The following MLLT10 variants were observed in gnomAD, a reference collection of about 807,000 sequenced individuals.
MLLT10 encodes MLLT10 histone lysine methyltransferase DOT1L cofactor, also known as protein AF-10.
In MLLT10, 30 loss-of-function variants were observed where a neutral mutation model predicts 129.1. That is an observed-to-expected ratio of 0.23 (90% CI 0.17 to 0.32). The LOEUF is 0.32. Among genes scored for constraint, MLLT10 ranks in the 10% least tolerant of loss-of-function variants. MLLT10 has a pLI of 1.00. For missense variants in MLLT10, 1,119 were observed against 1,268.3 expected, an observed-to-expected ratio of 0.88 and a Z score of 1.79; for synonymous variants, 490 against 446.4, an observed-to-expected ratio of 1.10 and a Z score of -1.23.
At chr10:21,638,462 T>A (rs1158208161) in intron 8 of MLLT10, among the ~76,000 whole-genome samples, 1 of 152,078 alleles carries the variant, frequency 6.6e-6, no homozygotes, top group Non-Finnish European at 1.5e-5. Flanking sequence ...CTGAGAATCC[T>A]GCCCACTGAA....
At chr10:21,733,181 G>A in intron 18 of MLLT10, 94 bp downstream of exon 18, 1 of 1,233,678 alleles carries the variant, frequency 8.1e-7, no homozygotes, top group Non-Finnish European at 1.1e-6. Context: ...CCAGTTATAT[G>A]AAGATGTAGA....
intron 3 of MLLT10, among the ~76,000 whole-genome samples, chr10:21,562,241 AT>A (rs906261079): frequency 8.1e-4 from 121 of 148,830 alleles, no homozygotes; most frequent in African/African-American, 2.0e-3. Flanking sequence ...TTTAGAACGT[AT>A]TTTTTTTTTA....
intron 21 of MLLT10, 52 bp from the exon 22 acceptor site, chr10:21,739,978 G>A: frequency 7.0e-7 from 1 of 1,430,528 alleles, no homozygotes; most frequent in Non-Finnish European, 9.6e-7. Context: ...TCATCTGACT[G>A]CTGAATTCCG....
At chr10:21,575,608 C>T (rs1023478732) in intron 3 of MLLT10, among the ~76,000 whole-genome samples, 1 of 152,086 alleles carries the variant, frequency 6.6e-6, no homozygotes, top group African/African-American at 2.4e-5. Flanking sequence ...AGTATGTGGT[C>T]TTCCATGGGG....
intron 9 of MLLT10, among the ~76,000 whole-genome samples, chr10:21,653,659 G>A (rs1017480800): frequency 6.6e-6 from 1 of 152,070 alleles, no homozygotes; most frequent in Admixed American, 6.5e-5. Flanking sequence ...ATATTCACAG[G>A]TTTCAGGGAT....
chr10:21,577,108 T>G (rs1041081560), intron 3 of MLLT10, among the ~76,000 whole-genome samples: 10 of 152,224 alleles, frequency 6.6e-5, no homozygotes, highest in African/African-American at 2.4e-4. Context: ...ACATTTCATA[T>G]AAATGGAATC....
chr10:21,622,727 C>T (rs1168264186), intron 8 of MLLT10, among the ~76,000 whole-genome samples: 4 of 152,132 alleles, frequency 2.6e-5, no homozygotes, highest in Admixed American at 6.5e-5. Flanking sequence ...TTATTTTCTA[C>T]GCCAATTAAT....
At chr10:21,641,226 G>C (rs1386402667) in intron 8 of MLLT10, among the ~76,000 whole-genome samples, 1 of 152,156 alleles carries the variant, frequency 6.6e-6, no homozygotes, top group Non-Finnish European at 1.5e-5. Context: ...TGTAATTACA[G>C]AGAATGACAG....
chr10:21,571,896 A>G (rs1442511223), intron 3 of MLLT10: 3 of 152,144 alleles, frequency 2.0e-5, no homozygotes, highest in Non-Finnish European at 2.9e-5. Flanking sequence ...TGGTTTAACT[A>G]TTTATTTTAA....
chr10:21,599,014 C>A (rs1290957724), intron 5 of MLLT10, among the ~76,000 whole-genome samples: 1 of 151,916 alleles, frequency 6.6e-6, no homozygotes, highest in East Asian at 1.9e-4. Context: ...CCCGTCTCTA[C>A]TAAAAAATAC....
chr10:21,546,552 G>A (rs2036106589), intron 3 of MLLT10, among the ~76,000 whole-genome samples: 1 of 146,764 alleles, frequency 6.8e-6, no homozygotes, highest in African/African-American at 2.5e-5. Context: ...CTGCAGGCAC[G>A]CCCCACCACT....
At chr10:21,569,628 C>T (rs550685969) in intron 3 of MLLT10, among the ~76,000 whole-genome samples, 29 of 152,104 alleles carry the variant, frequency 1.9e-4, no homozygotes, top group African/African-American at 5.8e-4. Flanking sequence ...ACCATGTTGG[C>T]GAGGCTGGAC....
At chr10:21,538,769 G>A (rs1372948356) in intron 2 of MLLT10, 64 bp from the exon 3 acceptor site, 7 of 1,191,200 alleles carry the variant, frequency 5.9e-6, no homozygotes, top group Admixed American at 5.3e-5. Context: ...GGCTTTGAAA[G>A]GGTATTTGAT....
At chr10:21,729,924 G>T (rs556639130) in intron 16 of MLLT10, among the ~76,000 whole-genome samples, 55 of 152,218 alleles carry the variant, frequency 3.6e-4, no homozygotes, top group Middle Eastern at 3.4e-3. Flanking sequence ...ATCATTTGAA[G>T]TATAGATCTA....
chr10:21,699,733 T>C (rs868020826), intron 13 of MLLT10, among the ~76,000 whole-genome samples: 1 of 152,302 alleles, frequency 6.6e-6, no homozygotes, highest in Middle Eastern at 3.4e-3. Context: ...TTCTGTTTCA[T>C]TGGTATCTGT....
intron 8 of MLLT10, chr10:21,625,973 G>C (rs1344059759): frequency 5.8e-6 from 5 of 856,406 alleles, no homozygotes; most frequent in Non-Finnish European, 1.0e-5. Flanking sequence ...TTGCACACCA[G>C]AGTACACACT....
chr10:21,601,191 CT>C (rs1259124488), intron 5 of MLLT10, among the ~76,000 whole-genome samples: 1 of 152,210 alleles, frequency 6.6e-6, no homozygotes, highest in African/African-American at 2.4e-5. Flanking sequence ...AACAACCCCC[CT>C]GCCTTGGCCT....
intron 3 of MLLT10, among the ~76,000 whole-genome samples, chr10:21,571,689 A>T (rs2040222401): frequency 6.6e-6 from 1 of 152,186 alleles, no homozygotes; most frequent in Admixed American, 6.5e-5. Context: ...CTTTTTCATG[A>T]TAACTGATGA....
At chr10:21,727,606 A>G (rs1219980362) in intron 15 of MLLT10, among the ~76,000 whole-genome samples, 1 of 152,214 alleles carries the variant, frequency 6.6e-6, no homozygotes, top group Non-Finnish European at 1.5e-5. Flanking sequence ...GTGCTGTAAA[A>G]TTGAAAGGAA....
Sources: allele counts gnomAD v4.1 joint callset (sites outside exome capture counted in the v4.1 genomes callset), GRCh38; gene constraint gnomAD v4.1.1; transcripts MANE v1.5; gene names NCBI Gene and HGNC (gene_info 2026-07-23, HGNC 2026-07-21).